SPOCK3: variants seen among roughly 807,000 people sequenced by gnomAD.
SPOCK3 encodes the protein SPARC (osteonectin), cwcv and kazal like domains proteoglycan 3.
In SPOCK3, 30 loss-of-function variants were observed where a neutral mutation model predicts 56.6. The ratio of observed to expected loss-of-function variants is 0.53; its 90% CI spans 0.40 to 0.72. SPOCK3 has a LOEUF of 0.72. Among genes scored for constraint, SPOCK3 ranks in the 30% least tolerant of loss-of-function variants. The pLI, the probability that SPOCK3 is intolerant of heterozygous loss-of-function variation, is 0.00. For missense variants in SPOCK3, 527 were observed against 530.0 expected, an observed-to-expected ratio of 0.99 and a Z score of 0.06; for synonymous variants, 196 against 183.3, an observed-to-expected ratio of 1.07 and a Z score of -0.56.
At chr4:166,896,519 ATAC>A (rs1242920472) in intron 5 of SPOCK3, among the ~76,000 whole-genome samples, 1 of 152,048 alleles carries the variant, frequency 6.6e-6, no homozygotes, top group Non-Finnish European at 1.5e-5. Flanking sequence ...ACAGGAAGAG[ATAC>A]TCCCACACAA....
chr4:166,832,399 TC>T (rs1407896449), intron 6 of SPOCK3, among the ~76,000 whole-genome samples: 4 of 69,534 alleles, frequency 5.8e-5, no homozygotes, highest in Non-Finnish European at 6.7e-5. Flanking sequence ...TATTAAAAAA[TC>T]AAAAAAAAAA....
chr4:167,041,205 C>A (rs1222102249), intron 3 of SPOCK3, among the ~76,000 whole-genome samples: 1 of 152,020 alleles, frequency 6.6e-6, no homozygotes, highest in Non-Finnish European at 1.5e-5. Flanking sequence ...GTAAAAGGAG[C>A]AATAAAATAA....
chr4:167,223,027 TATATTATATTTTATATATGAATA>T (rs1736169081), intron 2 of SPOCK3, among the ~76,000 whole-genome samples: 1 of 122,226 alleles, frequency 8.2e-6, no homozygotes, highest in Non-Finnish European at 1.6e-5. Flanking sequence ...GAATATATAA[TATATTATATTTTATATATGAATA>T]TATATTTTAT....
At chr4:166,817,854 C>A (rs1021811291) in intron 6 of SPOCK3, among the ~76,000 whole-genome samples, 6 of 152,000 alleles carry the variant, frequency 3.9e-5, no homozygotes, top group Non-Finnish European at 8.8e-5. Flanking sequence ...GACAGATACA[C>A]ACATAGTTAT....
At chr4:166,954,136 G>C (rs1010235036) in intron 4 of SPOCK3, among the ~76,000 whole-genome samples, 1 of 152,104 alleles carries the variant, frequency 6.6e-6, no homozygotes, top group Admixed American at 6.6e-5. Context: ...AAATCAGGTT[G>C]TTTTCTATTG....
In SPOCK3 at chr4:166,734,955, T is replaced by A; in HGVS notation, c.1268A>T (p.Asp423Val). The part of the protein sequence containing the change: ...EDDDEDEGDD[D>V]DGGDDHDVYI ...TACATCATGGTCATCACCACCATCATCATCATCCCCTTCATCTTCATCATC... is the reference window on the plus strand; with the variant it reads ...TACATCATGGTCATCACCACCATCAACATCATCCCCTTCATCTTCATCATC... Residue 423 changes from aspartate (D) to valine (V), a missense_variant, in exon 11 of 11, where the codon GAT becomes GTT. Asp to Val is a radical substitution (Grantham distance 152). Transcript: ENST00000357545. 2 of 1,538,144 alleles carry A rather than the reference T, an allele frequency of 1.3e-6. No individual in the cohort carries two copies. The highest frequency in any genetic ancestry group is 1.8e-6 in the Non-Finnish European group (2 of 1,112,450).
intron 3 of SPOCK3, among the ~76,000 whole-genome samples, chr4:167,060,049 C>T (rs1475087710): frequency 1.3e-5 from 2 of 150,898 alleles, no homozygotes. Context: ...ATACCTAATG[C>T]TAAATGACGA....
chr4:166,941,412 T>G (rs1741056885), intron 4 of SPOCK3, among the ~76,000 whole-genome samples: 1 of 152,186 alleles, frequency 6.6e-6, no homozygotes, highest in East Asian at 1.9e-4. Context: ...TGTAACTGTT[T>G]CCTTTTTTAT....
At chr4:167,146,049 C>A (rs529614401) in intron 2 of SPOCK3, among the ~76,000 whole-genome samples, 1 of 152,160 alleles carries the variant, frequency 6.6e-6, no homozygotes, top group Admixed American at 6.5e-5. Flanking sequence ...TATCAGTGTG[C>A]TTTATTCAGG....
chr4:167,170,133 T>C (rs1222975986), intron 2 of SPOCK3, among the ~76,000 whole-genome samples: 1 of 152,176 alleles, frequency 6.6e-6, no homozygotes, highest in Non-Finnish European at 1.5e-5. Context: ...TTAACATTGC[T>C]GAAATTCAAT....
chr4:166,978,685 G>C (rs1227459424), intron 4 of SPOCK3, among the ~76,000 whole-genome samples: 1 of 152,140 alleles, frequency 6.6e-6, no homozygotes, highest in Non-Finnish European at 1.5e-5. Context: ...AGAGGAGAAG[G>C]AGGAAGAGGA....
At chr4:166,833,472 T>C (rs944860253) in intron 6 of SPOCK3, among the ~76,000 whole-genome samples, 4 of 152,186 alleles carry the variant, frequency 2.6e-5, no homozygotes, top group Non-Finnish European at 5.9e-5. Flanking sequence ...AGTGGGTATG[T>C]GTATTTCCTT....
rs2126356176 is a variant in SPOCK3, at chr4:166,737,573, A to G, written c.1026T>C (p.Gly342=). ...GQYIPLCDED[G]YYKPTQCHGS... is the part of the protein sequence containing the mutation. The stretch of plus-strand genomic sequence containing the variant: ...CATGACATTGTGTTGGCTTGTAGTA[A>G]CCATCTTCATCACACAGGGGGATAT... The change falls in exon 10 of 11, where the codon GGT becomes GGC. Residue 342 remains glycine (G), a synonymous_variant. Coordinates refer to ENST00000357545, the MANE Select transcript of SPOCK3 (RefSeq NM_001040159.2). 3 of 1,612,888 alleles carry G rather than the reference A, an allele frequency of 1.9e-6. No homozygotes were observed. In the South Asian group the frequency reaches 3.3e-5, roughly 18 times the overall value.
chr4:167,063,958 T>C (rs958100912), intron 2 of SPOCK3, among the ~76,000 whole-genome samples: 4 of 151,932 alleles, frequency 2.6e-5, no homozygotes, highest in African/African-American at 9.7e-5. Context: ...AATAGTGCTG[T>C]GATAAACATA....
chr4:166,790,515 A>G (rs553785228), intron 7 of SPOCK3, among the ~76,000 whole-genome samples: 13 of 152,272 alleles, frequency 8.5e-5, no homozygotes, highest in African/African-American at 3.1e-4. Flanking sequence ...TTCAAGCAGT[A>G]TACATAATCC....
chr4:166,994,190 G>GTGTTTAGGAAAAAA (rs1229214596), intron 4 of SPOCK3, among the ~76,000 whole-genome samples: 3 of 152,058 alleles, frequency 2.0e-5, no homozygotes, highest in Admixed American at 2.0e-4. Flanking sequence ...AATATACAAC[G>GTGTTTAGGAAAAAA]TGTTTAGGAA....
In SPOCK3 at chr4:167,048,129, C is replaced by G. The variant is rs143350773; in HGVS notation, c.235+14363G>C. ...TTATAGGAAGTGTATAAAAATACTA[C>G]ACATTATCTTAATTAAAGCATGTAA... is the stretch of plus-strand genomic sequence containing the variant. On this transcript the variant is annotated intron_variant, in intron 3 of 10. Transcript: ENST00000357545. Among the ~76,000 whole-genome samples the G allele has an allele frequency of 2.2e-4, 33 of 151,884 alleles. No homozygotes were observed. The East Asian group carries it at 6.4e-3, about 29-fold the overall frequency.
At chr4:166,764,134 C>A (rs1164751892) in intron 7 of SPOCK3, among the ~76,000 whole-genome samples, 1 of 151,950 alleles carries the variant, frequency 6.6e-6, no homozygotes, top group Admixed American at 6.6e-5. Flanking sequence ...ATCTTCAAAG[C>A]CATTTCTTCC....
intron 7 of SPOCK3, among the ~76,000 whole-genome samples, chr4:166,772,055 A>G (rs1000325453): frequency 6.6e-6 from 1 of 152,094 alleles, no homozygotes; most frequent in African/African-American, 2.4e-5. Context: ...ATCACGGAAA[A>G]TCAGTATATT....
Sources: gnomAD v4.1 joint callset for allele counts (sites outside exome capture counted in the v4.1 genomes callset) on GRCh38, gnomAD v4.1.1 for gene constraint, MANE v1.5 for transcripts, NCBI Gene and HGNC (gene_info 2026-07-23, HGNC 2026-07-21) for gene names.